ARHGAP10: variants seen among roughly 807,000 people sequenced by gnomAD.
ARHGAP10 encodes the protein Rho GTPase activating protein 10, also known as rho GTPase-activating protein 10.
In ARHGAP10, 87 loss-of-function variants were observed where a neutral mutation model predicts 108.6. The ratio of observed to expected loss-of-function variants is 0.80; its 90% CI spans 0.67 to 0.96. The LOEUF (loss-of-function observed/expected upper bound fraction) is 0.96, where lower values mean the gene tolerates loss of function less well. ARHGAP10 is among the 40% of genes least tolerant of loss of function. The pLI, the probability that ARHGAP10 is intolerant of heterozygous loss-of-function variation, is 0.00. For missense variants in ARHGAP10, 939 were observed against 954.5 expected, an observed-to-expected ratio of 0.98 and a Z score of 0.21; for synonymous variants, 347 against 341.1, an observed-to-expected ratio of 1.02 and a Z score of -0.19.
chr4:148,052,165 A>G (rs1399665953), intron 20 of ARHGAP10, among the ~76,000 whole-genome samples: 2 of 151,992 alleles, frequency 1.3e-5, no homozygotes, highest in African/African-American at 4.8e-5. Context: ...CTACTGAGAA[A>G]TTACAGGGTG....
intron 10 of ARHGAP10, among the ~76,000 whole-genome samples, chr4:147,895,512 C>CAAAA (rs70958593): frequency 2.9e-4 from 25 of 85,270 alleles, no homozygotes; most frequent in African/African-American, 9.4e-4. Context: ...GACCCTGTCT[C>CAAAA]AAAAAAAAAA....
At chr4:147,884,824 G>A (rs1735477210) in intron 10 of ARHGAP10, among the ~76,000 whole-genome samples, 2 of 152,178 alleles carry the variant, frequency 1.3e-5, no homozygotes, top group African/African-American at 4.8e-5. Context: ...CTTGAGATGG[G>A]GCAACGGCCT....
At chr4:148,057,658 C>T (rs1729420977) in intron 20 of ARHGAP10, among the ~76,000 whole-genome samples, 2 of 152,228 alleles carry the variant, frequency 1.3e-5, no homozygotes, top group Admixed American at 1.3e-4. Context: ...CGCACAGATG[C>T]TGCCTCCTCC....
intron 10 of ARHGAP10, among the ~76,000 whole-genome samples, chr4:147,897,199 A>T (rs542156424): frequency 5.3e-5 from 8 of 151,638 alleles, no homozygotes; most frequent in South Asian, 4.2e-4. Context: ...TTCTGTTTTT[A>T]AAAAAATATG....
At chr4:147,789,243 T>C (rs576485340) in intron 1 of ARHGAP10, among the ~76,000 whole-genome samples, 1 of 152,294 alleles carries the variant, frequency 6.6e-6, no homozygotes, top group Admixed American at 6.5e-5. Context: ...TTCATCAAGG[T>C]GCATTTCTAT....
At chr4:147,754,092 G>A (rs984837635) in intron 1 of ARHGAP10, among the ~76,000 whole-genome samples, 1 of 152,166 alleles carries the variant, frequency 6.6e-6, no homozygotes, top group African/African-American at 2.4e-5. Flanking sequence ...CTCCAGCAGT[G>A]TCTAGAACAG....
chr4:147,906,051 A>C (rs1489706641), intron 10 of ARHGAP10, among the ~76,000 whole-genome samples: 1 of 152,154 alleles, frequency 6.6e-6, no homozygotes, highest in African/African-American at 2.4e-5. Flanking sequence ...TTTGTGTATA[A>C]GAATGCTTGT....
At chr4:147,793,075 T>C (rs1731179569) in intron 1 of ARHGAP10, among the ~76,000 whole-genome samples, 1 of 151,948 alleles carries the variant, frequency 6.6e-6, no homozygotes, top group East Asian at 1.9e-4. Context: ...GAGGTGGAGG[T>C]TGCAGTGAGC....
At chr4:147,949,593 A>G (rs150108273) in intron 15 of ARHGAP10, among the ~76,000 whole-genome samples, 54 of 151,232 alleles carry the variant, frequency 3.6e-4, no homozygotes, top group Admixed American at 7.9e-4. Context: ...CAAAATGTCA[A>G]TAATTCTGAG....
chr4:147,890,690 G>T (rs1042265121), intron 10 of ARHGAP10, among the ~76,000 whole-genome samples: 1 of 152,142 alleles, frequency 6.6e-6, no homozygotes, highest in Admixed American at 6.6e-5. Context: ...AACTGGGTGT[G>T]GTGGTGGGTG....
intron 7 of ARHGAP10, among the ~76,000 whole-genome samples, chr4:147,869,998 T>TTTTTTTTGTC (rs1553958574): frequency 0.013 from 1,233 of 93,090 alleles, 58 homozygotes; most frequent in African/African-American, 0.049. Flanking sequence ...AAGTCCCAGT[T>TTTTTTTTGTC]TGTGTGTGTG....
At chr4:147,820,430 C>T (rs1408815478) in intron 1 of ARHGAP10, among the ~76,000 whole-genome samples, 5 of 151,776 alleles carry the variant, frequency 3.3e-5, no homozygotes, top group African/African-American at 1.2e-4. Flanking sequence ...GGACTACAGG[C>T]AACCGCCACC....
intron 18 of ARHGAP10, among the ~76,000 whole-genome samples, chr4:147,976,540 GGT>G: frequency 7.3e-6 from 1 of 137,552 alleles, no homozygotes; most frequent in African/African-American, 3.2e-5. Context: ...TTTTGTGTGT[GGT>G]TTTTTTTTTT....
intron 18 of ARHGAP10, among the ~76,000 whole-genome samples, chr4:147,969,324 C>CT (rs61078731): frequency 0.058 from 5,484 of 93,772 alleles, 258 homozygotes; most frequent in Non-Finnish European, 0.082. Flanking sequence ...TTTGTTTTGC[C>CT]TTTTTTTTTT....
chr4:147,992,434 G>A (rs1740312669), intron 18 of ARHGAP10, among the ~76,000 whole-genome samples: 3 of 152,112 alleles, frequency 2.0e-5, no homozygotes, highest in Admixed American at 2.0e-4. Context: ...TTGTGGAGGA[G>A]TCTCGCTCTG....
intron 18 of ARHGAP10, among the ~76,000 whole-genome samples, chr4:147,992,658 G>T (rs1219707271): frequency 6.6e-6 from 1 of 152,008 alleles, no homozygotes; most frequent in Non-Finnish European, 1.5e-5. Context: ...CACCTGCCTC[G>T]GCCTCCCAGA....
At chr4:147,753,954 C>T (rs144798789) in intron 1 of ARHGAP10, among the ~76,000 whole-genome samples, 8 of 152,114 alleles carry the variant, frequency 5.3e-5, no homozygotes, top group Non-Finnish European at 8.8e-5. Context: ...TTGGGGCTTC[C>T]ATTCATCTGC....
chr4:148,034,647 T>C (rs925470356), intron 19 of ARHGAP10, among the ~76,000 whole-genome samples: 1 of 152,122 alleles, frequency 6.6e-6, no homozygotes, highest in African/African-American at 2.4e-5. Flanking sequence ...CAATTAATAA[T>C]GAACTTTCCT....
intron 3 of ARHGAP10, among the ~76,000 whole-genome samples, chr4:147,829,196 G>C (rs1732847832): frequency 6.6e-6 from 1 of 151,956 alleles, no homozygotes; most frequent in Non-Finnish European, 1.5e-5. Flanking sequence ...AACTACACGC[G>C]GGTGCCACTA....
Sources: allele counts gnomAD v4.1 joint callset (sites outside exome capture counted in the v4.1 genomes callset), GRCh38; gene constraint gnomAD v4.1.1; transcripts MANE v1.5; gene names NCBI Gene and HGNC (gene_info 2026-07-23, HGNC 2026-07-21).